Variants in VPS41 observed in about 807,000 individuals in gnomAD.
VPS41 encodes VPS41 subunit of HOPS complex, also known as vacuolar protein sorting-associated protein 41 homolog.
Under a neutral mutation model 130.9 loss-of-function variants are expected in VPS41, and 85 were observed. The observed-to-expected ratio is 0.65, with a 90% confidence interval of 0.55 to 0.78. VPS41 has a LOEUF of 0.78. VPS41 is among the 30% of genes least tolerant of loss of function. The pLI, the probability that VPS41 is intolerant of heterozygous loss-of-function variation, is 0.00. For synonymous variants in VPS41, 335 were observed against 332.9 expected (o/e 1.01, Z -0.07); for missense variants, 874 against 1,018.7 (o/e 0.86, Z 1.93).
chr7:38,833,573 C>T (rs1785435112), intron 4 of VPS41, among the ~76,000 whole-genome samples: 2 of 152,182 alleles, frequency 1.3e-5, no homozygotes, highest in South Asian at 4.1e-4. Flanking sequence ...TGCTGGTAAT[C>T]ATCTTCTCAG....
At chr7:38,809,511 T>C (rs993848539) in intron 7 of VPS41, among the ~76,000 whole-genome samples, 1 of 152,118 alleles carries the variant, frequency 6.6e-6, no homozygotes, top group Non-Finnish European at 1.5e-5. Context: ...AAGCTTCCCA[T>C]ATTGAATCCT....
At chr7:38,809,433 T>C (rs1784900338) in intron 7 of VPS41, among the ~76,000 whole-genome samples, 1 of 150,726 alleles carries the variant, frequency 6.6e-6, no homozygotes, top group African/African-American at 2.4e-5. Flanking sequence ...GTTGATAACA[T>C]GGGCAAAAGA....
At chr7:38,904,443 G>A (rs1787211380) in intron 1 of VPS41, among the ~76,000 whole-genome samples, 1 of 152,242 alleles carries the variant, frequency 6.6e-6, no homozygotes. Context: ...CTTCTTGTTT[G>A]GGTTTTGTTT....
At chr7:38,804,627 G>A (rs925618052) in intron 7 of VPS41, among the ~76,000 whole-genome samples, 14 of 152,176 alleles carry the variant, frequency 9.2e-5, no homozygotes, top group Admixed American at 5.9e-4. Flanking sequence ...AACAACGGAC[G>A]TGCCATTTAG....
chr7:38,843,361 C>T (rs541544025), intron 4 of VPS41, among the ~76,000 whole-genome samples: 4 of 152,210 alleles, frequency 2.6e-5, no homozygotes, highest in South Asian at 2.1e-4. Flanking sequence ...CTTCTTATGA[C>T]GTTTTAAAGA....
rs373585472 is a variant in VPS41 at position 38,823,832 on chromosome 7, TC to T, written c.322-2568del. Among the ~76,000 whole-genome samples the T allele has an allele frequency of 6.9e-3, 1,055 of 152,082 alleles. 14 individuals carry two copies. Among genetic ancestry groups the T allele is most frequent in the African/African-American group, 0.023 (961 of 41,472 alleles). Reference sequence around the variant, plus strand: ...TCTTCACATGGCAAATACACATATGTCCCCCCCATCACCTGCTGCTCATTGT... The same window carrying T: ...TCTTCACATGGCAAATACACATATGTCCCCCCATCACCTGCTGCTCATTGT... On this transcript the variant is annotated intron_variant, in intron 5 of 28. Transcript: ENST00000310301.
chr7:38,864,808 A>G (rs1786192441), intron 3 of VPS41, among the ~76,000 whole-genome samples: 1 of 151,966 alleles, frequency 6.6e-6, no homozygotes, highest in Admixed American at 6.6e-5. Flanking sequence ...AGATGGGCAA[A>G]GAATAAATAT....
chr7:38,777,786 A>C (rs1186137374), intron 10 of VPS41, among the ~76,000 whole-genome samples: 1 of 152,250 alleles, frequency 6.6e-6, no homozygotes, highest in Non-Finnish European at 1.5e-5. Context: ...AATGTATCAT[A>C]CTGGAACCAA....
chr7:38,815,089 A>T (rs1157307647), intron 7 of VPS41, among the ~76,000 whole-genome samples: 1 of 152,222 alleles, frequency 6.6e-6, no homozygotes, highest in Non-Finnish European at 1.5e-5. Flanking sequence ...CATTTAAAAC[A>T]AAAAGCAGTG....
rs1050024106 is a variant in VPS41 at position 38,756,149 on chromosome 7, A to T, written c.1695+689T>A. On this transcript the variant is annotated intron_variant, in intron 19 of 28. Transcript: ENST00000310301. ...GTTTATCTAAAATTTCAATTTTTTG[A>T]ATAAGAACACTGTTTTATAAACCTC... Among the ~76,000 whole-genome samples, 8 of 152,022 alleles carry T rather than the reference A, an allele frequency of 5.3e-5. No individual in the cohort carries two copies. In the South Asian group the frequency reaches 8.3e-4, roughly 16 times the overall value.
intron 7 of VPS41, among the ~76,000 whole-genome samples, chr7:38,812,255 T>A (rs779857638): frequency 6.6e-6 from 1 of 152,100 alleles, no homozygotes; most frequent in African/African-American, 2.4e-5. Context: ...CTAACATTTA[T>A]GGTTAACCAA....
At chr7:38,842,838 T>C (rs1245018367) in intron 4 of VPS41, among the ~76,000 whole-genome samples, 2 of 152,224 alleles carry the variant, frequency 1.3e-5, no homozygotes, top group Non-Finnish European at 2.9e-5. Context: ...CACATCAGTC[T>C]CTATCCAAGC....
At chr7:38,791,849 G>A (rs568972278) in intron 9 of VPS41, among the ~76,000 whole-genome samples, 3 of 152,246 alleles carry the variant, frequency 2.0e-5, no homozygotes, top group East Asian at 1.9e-4. Context: ...ATAGGTTTAG[G>A]GGGGGTAAAA....
At chr7:38,902,921 A>C (rs1166558577) in intron 1 of VPS41, among the ~76,000 whole-genome samples, 2 of 152,192 alleles carry the variant, frequency 1.3e-5, no homozygotes, top group African/African-American at 4.8e-5. Context: ...TCTCATTTTA[A>C]ATATGCTGTG....
rs1452026613 is a variant in VPS41, at chr7:38,747,221, CA to C, written c.1927-1609del. ...GTGATACTACTGCAGAGACAAAAAA[CA>C]TAAGTAAGAAGTTAAATAATAAAGC... On this transcript the variant is annotated intron_variant, in intron 22 of 28. Transcript: ENST00000310301. Among the ~76,000 whole-genome samples the C allele has an allele frequency of 3.3e-5, 5 of 152,068 alleles. No homozygotes were observed. The South Asian group carries it at 1.0e-3, about 32-fold the overall frequency.
intron 4 of VPS41, among the ~76,000 whole-genome samples, chr7:38,848,850 C>T (rs1347019012): frequency 4.6e-5 from 7 of 152,142 alleles, no homozygotes; most frequent in Admixed American, 1.3e-4. Context: ...ATCACCACTG[C>T]TCTTTCTACA....
intron 2 of VPS41, among the ~76,000 whole-genome samples, chr7:38,893,840 A>G (rs949896965): frequency 3.3e-5 from 5 of 152,222 alleles, no homozygotes; most frequent in Non-Finnish European, 7.3e-5. Flanking sequence ...TAACTAAACA[A>G]TTTCATTTCA....
intron 3 of VPS41, among the ~76,000 whole-genome samples, chr7:38,866,004 A>G (rs1419189596): frequency 1.3e-5 from 2 of 152,218 alleles, no homozygotes; most frequent in Admixed American, 6.5e-5. Context: ...AGTGAAAGCA[A>G]ATCTGAAGGA....
intron 23 of VPS41, 103 bp downstream of exon 23, chr7:38,745,456 T>C (rs1795968235): frequency 1.2e-6 from 1 of 866,504 alleles, no homozygotes; most frequent in African/African-American, 1.7e-5. Flanking sequence ...TCATATTCTG[T>C]GTTACGTTGG....
Sources: allele counts gnomAD v4.1 joint callset (sites outside exome capture counted in the v4.1 genomes callset), GRCh38; gene constraint gnomAD v4.1.1; transcripts MANE v1.5; gene names NCBI Gene and HGNC (gene_info 2026-07-23, HGNC 2026-07-21).